PPP2R5A: variants seen among roughly 807,000 people sequenced by gnomAD.
The protein encoded by PPP2R5A is protein phosphatase 2 regulatory subunit B'alpha.
Under a neutral mutation model 64.2 loss-of-function variants are expected in PPP2R5A, and 25 were observed. That is an observed-to-expected ratio of 0.39 (90% CI 0.28 to 0.54). PPP2R5A has a LOEUF of 0.54. PPP2R5A is among the 20% of genes least tolerant of loss of function. The pLI is 0.67. For synonymous variants in PPP2R5A, 198 were observed against 201.2 expected, an observed-to-expected ratio of 0.98 and a Z score of 0.13; for missense variants, 425 against 576.3, an observed-to-expected ratio of 0.74 and a Z score of 2.69.
At chr1:212,309,512 G>T (rs1658987576) in intron 1 of PPP2R5A, 1 of 757,770 alleles carries the variant, frequency 1.3e-6, no homozygotes, top group Non-Finnish European at 2.4e-6. Flanking sequence ...TTCGCTTTCG[G>T]CGCCATCTTG....
chr1:212,314,516 C>T (rs1213644140), intron 1 of PPP2R5A, among the ~76,000 whole-genome samples: 1 of 151,720 alleles, frequency 6.6e-6, no homozygotes, highest in Non-Finnish European at 1.5e-5. Context: ...CCCACTTCAG[C>T]CTCCAAGTAG....
rs376007639 is a variant in PPP2R5A at position 212,357,317 on chromosome 1, C to CTT, written c.1226+45_1226+46dup. The CTT allele has an allele frequency of 1.4e-3, 1,613 of 1,153,298 alleles. 2 individuals are homozygous for CTT. The highest frequency in any genetic ancestry group is 0.013 in the African/African-American group (778 of 60,870). 71.4% of individuals were successfully genotyped at this position (1,153,298 alleles called of 1,614,324 possible). A position where few individuals can be genotyped will look rare whatever the true frequency, so the allele number is the denominator to read the frequency against. On this transcript the variant is annotated intron_variant, in intron 11 of 12. Transcript: ENST00000261461. ...TCTTTTATATAGGTCGTATTTTTTT[C>CTT]TTTTTTTTTTTTTATATCTTTTTGT...
intron 1 of PPP2R5A, among the ~76,000 whole-genome samples, chr1:212,305,657 A>G (rs982235660): frequency 1.2e-4 from 19 of 152,108 alleles, no homozygotes; most frequent in Admixed American, 8.5e-4. Context: ...GGCTTCAACT[A>G]TCATTGCTTT....
At chr1:212,359,786 T>C (rs1660048165) in intron 12 of PPP2R5A, among the ~76,000 whole-genome samples, 1 of 152,182 alleles carries the variant, frequency 6.6e-6, no homozygotes, top group African/African-American at 2.4e-5. Flanking sequence ...AATAGCAGCA[T>C]TCAGGCAGGA....
intron 7 of PPP2R5A, 131 bp from the exon 8 acceptor site, chr1:212,349,056 TTG>T: frequency 4.1e-6 from 2 of 486,866 alleles, no homozygotes; most frequent in South Asian, 7.1e-5. Context: ...TCATTCACAG[TTG>T]TGAGTATATT....
At position 212,332,348 on chromosome 1, in the gene PPP2R5A, T is replaced by C. The variant is rs1405784503; in HGVS notation, c.379-1149T>C. Among the ~76,000 whole-genome samples the C allele has an allele frequency of 3.3e-5, 5 of 152,230 alleles. No individual in the cohort carries two copies. The East Asian group carries it at 9.6e-4, about 29-fold the overall frequency. On this transcript the variant is annotated intron_variant, in intron 2 of 12. Coordinates refer to ENST00000261461, the MANE Select transcript of PPP2R5A (RefSeq NM_006243.4). ...TCTGGAATAGTTTGTCTCAAAATGA[T>C]CAACCCCTTAGTAGTTGGGCCTTAA...
intron 1 of PPP2R5A, among the ~76,000 whole-genome samples, chr1:212,293,761 C>G (rs922802325): frequency 6.6e-6 from 1 of 151,808 alleles, no homozygotes; most frequent in African/African-American, 2.4e-5. Flanking sequence ...TGGAAACACA[C>G]TCCTCCTACT....
rs538674203 is a variant in PPP2R5A at position 212,286,103 on chromosome 1, C to T, written c.-8C>T. 126 of 1,557,462 alleles carry T rather than the reference C, an allele frequency of 8.1e-5. 4 individuals are homozygous for T. In the Middle Eastern group the frequency reaches 2.1e-3, roughly 26 times the overall value. The stretch of plus-strand genomic sequence containing the variant: ...CAGCCGGAGCTGCCAAGCGTCAGGG[C>T]CGCGGAGATGTCGTCGTCGTCGCCG... On this transcript the variant is annotated 5_prime_UTR_variant, in exon 1 of 13. Transcript: ENST00000261461.
chr1:212,320,674 CGGGCGGGGGGCTG>C (rs1659260885), intron 1 of PPP2R5A, among the ~76,000 whole-genome samples: 1 of 123,586 alleles, frequency 8.1e-6, no homozygotes, highest in Non-Finnish European at 1.8e-5. Flanking sequence ...GGCGGCTGGC[CGGGCGGGGGGCTG>C]ACCCCCCCAC....
intron 1 of PPP2R5A, chr1:212,306,939 T>C (rs1658926010): frequency 6.6e-6 from 1 of 152,020 alleles, no homozygotes; most frequent in Non-Finnish European, 1.5e-5. Context: ...TTTTGTAGTT[T>C]TTAGTAGAGA....
intron 1 of PPP2R5A, among the ~76,000 whole-genome samples, chr1:212,317,549 C>G (rs1659180505): frequency 6.6e-6 from 1 of 151,960 alleles, no homozygotes; most frequent in Non-Finnish European, 1.5e-5. Flanking sequence ...TACATACTTC[C>G]ATGACATAAT....
intron 3 of PPP2R5A, among the ~76,000 whole-genome samples, chr1:212,338,026 T>C (rs981967535): frequency 6.6e-6 from 1 of 152,190 alleles, no homozygotes; most frequent in Non-Finnish European, 1.5e-5. Context: ...AGCAGCCTCT[T>C]AGGTACTTGT....
chr1:212,358,700 T>C lies in PPP2R5A; in HGVS notation c.1241T>C (p.Leu414Pro). 6.2e-7 allele frequency: 1 copy of C among 1,612,092 alleles called. No homozygotes were observed. The highest frequency in any genetic ancestry group is 8.5e-7 in the Non-Finnish European group (1 of 1,178,558). Residue 414 changes from leucine (L) to proline (P), a missense_variant, in exon 12 of 13, where the codon CTG becomes CCG. Transcript: ENST00000261461. ...TTTCATTTCAGGACCATTGTAGCAC[T>C]GGTATACAATGTGCTGAAAACCCTA... ...KEHWNPTIVA[L>P]VYNVLKTLME...
chr1:212,346,186 G>A (rs1659773377), intron 5 of PPP2R5A, among the ~76,000 whole-genome samples: 1 of 151,822 alleles, frequency 6.6e-6, no homozygotes, highest in African/African-American at 2.4e-5. Flanking sequence ...ACTTTTAGTA[G>A]AGACAAGGTC....
chr1:212,285,825 A>AGCTG lies in PPP2R5A; in HGVS notation c.-285_-284insCTGG. Reference sequence around the variant, plus strand: ...TCTCTTCCACCCGCTCTGCGCGCCCAGAGTCAACAACTTCTTCACCCCCCT... The same window carrying AGCTG: ...TCTCTTCCACCCGCTCTGCGCGCCCAGCTGGAGTCAACAACTTCTTCACCCCCCT... On this transcript the variant is annotated 5_prime_UTR_variant, in exon 1 of 13. Transcript: ENST00000261461. 3.1e-6 allele frequency: 1 copy of AGCTG among 324,460 alleles called. No individual in the cohort carries two copies. Among genetic ancestry groups the AGCTG allele is most frequent in the East Asian group, 5.0e-5 (1 of 19,830 alleles). 20.1% of individuals were successfully genotyped at this position (324,460 alleles called of 1,614,324 possible).
At chr1:212,318,513 T>A (rs1659201933) in intron 1 of PPP2R5A, among the ~76,000 whole-genome samples, 1 of 152,220 alleles carries the variant, frequency 6.6e-6, no homozygotes, top group African/African-American at 2.4e-5. Context: ...ATATATTAAG[T>A]GCATAGTCAA....
Position 212,294,545 on chromosome 1 carries a change from C to A in PPP2R5A, c.181+8254C>A, listed in dbSNP as rs567081271. Among the ~76,000 whole-genome samples the A allele has an allele frequency of 1.1e-4, 16 of 152,310 alleles. No individual in the cohort carries two copies. The East Asian group carries it at 2.9e-3, about 28-fold the overall frequency. On this transcript the variant is annotated intron_variant, in intron 1 of 12. Transcript: ENST00000261461. ...ATTTTGTTTGCTGTGAAATTAGACA[C>A]ACACTTTATTTTCAAAAATCTAGTA...
intron 1 of PPP2R5A, among the ~76,000 whole-genome samples, chr1:212,315,572 C>T (rs541593848): frequency 3.7e-4 from 57 of 152,178 alleles, no homozygotes; most frequent in Non-Finnish European, 5.3e-4. Flanking sequence ...TAATTTACTT[C>T]GAAAAATTCT....
At chr1:212,355,353 T>C (rs1296314047) in intron 8 of PPP2R5A, among the ~76,000 whole-genome samples, 1 of 152,200 alleles carries the variant, frequency 6.6e-6, no homozygotes, top group Non-Finnish European at 1.5e-5. Context: ...GGTATTCCTT[T>C]CCAACATTAT....
Sources: allele counts gnomAD v4.1 joint callset (sites outside exome capture counted in the v4.1 genomes callset), GRCh38; gene constraint gnomAD v4.1.1; transcripts MANE v1.5; gene names NCBI Gene and HGNC (gene_info 2026-07-23, HGNC 2026-07-21).